PLEKHA7: variants seen among roughly 807,000 people sequenced by gnomAD.
PLEKHA7 encodes pleckstrin homology domain-containing family A member 7.
PLEKHA7 carries 104 observed loss-of-function variants against 170.0 expected under a neutral mutation model. That is an observed-to-expected ratio of 0.61 (90% CI 0.52 to 0.72). The LOEUF (loss-of-function observed/expected upper bound fraction) is 0.72. PLEKHA7 is among the 30% of genes least tolerant of loss of function. The pLI, the probability that PLEKHA7 is intolerant of heterozygous loss-of-function variation, is 0.00. For synonymous variants in PLEKHA7, 648 were observed against 660.8 expected (o/e 0.98, Z 0.30); for missense variants, 1,615 against 1,671.7 (o/e 0.97, Z 0.59).
chr11:16,785,507 T>C (rs1047179954), intron 24 of PLEKHA7, among the ~76,000 whole-genome samples: 5 of 152,190 alleles, frequency 3.3e-5, no homozygotes, highest in Non-Finnish European at 1.5e-5. Context: ...CAAGCAGCCA[T>C]AGACGCTGCC....
intron 3 of PLEKHA7, among the ~76,000 whole-genome samples, chr11:16,908,501 C>CTT (rs4030729): frequency 0.11 from 15,850 of 145,112 alleles, 2,430 homozygotes; most frequent in African/African-American, 0.34. Context: ...ATTTTTTTTT[C>CTT]TTTTTTTTTT....
chr11:16,855,067 G>T (rs1484096706), intron 5 of PLEKHA7, 74 bp from the exon 6 acceptor site: 2 of 1,264,200 alleles, frequency 1.6e-6, no homozygotes, highest in Non-Finnish European at 2.3e-6. Context: ...ATGTTAGGAG[G>T]ACCGTCGGCT....
At chr11:16,848,118 A>G (rs1190501345) in intron 8 of PLEKHA7, among the ~76,000 whole-genome samples, 12 of 152,210 alleles carry the variant, frequency 7.9e-5, no homozygotes, top group African/African-American at 2.9e-4. Context: ...AGAGGAGGAG[A>G]TGAATTTGAT....
At chr11:16,977,799 G>T (rs1863163859) in intron 3 of PLEKHA7, among the ~76,000 whole-genome samples, 2 of 152,118 alleles carry the variant, frequency 1.3e-5, no homozygotes, top group Non-Finnish European at 2.9e-5. Flanking sequence ...TCCTCGCTTT[G>T]TCAGTTCCTA....
intron 3 of PLEKHA7, among the ~76,000 whole-genome samples, chr11:16,981,059 CA>C (rs1324745896): frequency 1.8e-4 from 27 of 152,172 alleles, no homozygotes; most frequent in Non-Finnish European, 3.1e-4. Context: ...AATGGGGACT[CA>C]CTGAGGCTGT....
chr11:16,810,343 G>A (rs1156317771), intron 13 of PLEKHA7, among the ~76,000 whole-genome samples: 1 of 152,208 alleles, frequency 6.6e-6, no homozygotes, highest in Admixed American at 6.5e-5. Context: ...GTCTGAGCAG[G>A]GCAGAGCAGG....
At chr11:16,901,053 G>A (rs1857300976) in intron 3 of PLEKHA7, among the ~76,000 whole-genome samples, 1 of 151,938 alleles carries the variant, frequency 6.6e-6, no homozygotes, top group Admixed American at 6.6e-5. Context: ...CCCCATGTTG[G>A]CCAGGCTGGT....
chr11:16,847,568 G>A (rs1362094041), intron 8 of PLEKHA7, among the ~76,000 whole-genome samples: 1 of 152,060 alleles, frequency 6.6e-6, no homozygotes, highest in Non-Finnish European at 1.5e-5. Context: ...AGAGGCTCAC[G>A]CCTATAATCT....
chr11:17,006,490 T>C (rs71484746), intron 3 of PLEKHA7, among the ~76,000 whole-genome samples: 48,194 of 151,186 alleles, frequency 0.32, 8,211 homozygotes, highest in Middle Eastern at 0.42. Flanking sequence ...TAGCCAGGCA[T>C]GGTGGCGCAT....
At chr11:16,852,551 G>C (rs997513357) in intron 6 of PLEKHA7, among the ~76,000 whole-genome samples, 196 bp from the exon 7 acceptor site, 6 of 152,142 alleles carry the variant, frequency 3.9e-5, no homozygotes, top group African/African-American at 1.4e-4. Context: ...TCCTAAGAAA[G>C]CAGGGTTTTT....
chr11:16,892,406 T>TTGTGTGTGTGTGTGTGTG (rs58762762), intron 3 of PLEKHA7, among the ~76,000 whole-genome samples: 2 of 136,810 alleles, frequency 1.5e-5, no homozygotes, highest in Non-Finnish European at 3.2e-5. Context: ...TTGTTTTATT[T>TTGTGTGTGTGTGTGTGTG]TGTGTGTGTG....
chr11:16,813,191 AAC>A (rs764498250), intron 12 of PLEKHA7, 25 bp from the exon 13 acceptor site: 160 of 1,606,616 alleles, frequency 1.0e-4, no homozygotes, highest in Non-Finnish European at 1.4e-4. Flanking sequence ...GAGAGGAAAA[AAC>A]ACAGTTATGA....
Position 16,791,213 on chromosome 11 carries a change from G to A in PLEKHA7, c.2746-14C>T, listed in dbSNP as rs1847828797. 6.3e-7 allele frequency: 1 copy of A among 1,575,296 alleles called. No homozygotes were observed. The highest frequency in any genetic ancestry group is 8.6e-7 in the Non-Finnish European group (1 of 1,160,122). The stretch of plus-strand genomic sequence containing the variant: ...TGCTTCATCTTCCTGCTGAGAAAGA[G>A]AACCAGACCAGTGGTCAGCGAGACG... On this transcript the variant is annotated splice_polypyrimidine_tract_variant and intron_variant, in intron 19 of 26. Transcript: ENST00000531066. The surrounding 1 kb of genome is among the most constrained non-coding windows in gnomAD (Gnocchi z 4.5).
chr11:16,993,200 TCA>T (rs1864149352), intron 3 of PLEKHA7, among the ~76,000 whole-genome samples: 2 of 152,138 alleles, frequency 1.3e-5, no homozygotes, highest in African/African-American at 4.8e-5. Flanking sequence ...TCCAAAGGCC[TCA>T]GAGAAATCAG....
intron 3 of PLEKHA7, among the ~76,000 whole-genome samples, chr11:16,942,980 T>C (rs1210480298): frequency 6.6e-6 from 1 of 152,246 alleles, no homozygotes; most frequent in Non-Finnish European, 1.5e-5. Flanking sequence ...TGATTCAGAA[T>C]AACTGTTCTA....
intron 21 of PLEKHA7, chr11:16,790,518 A>C (rs1847767625): frequency 2.7e-6 from 1 of 364,552 alleles, no homozygotes. Context: ...GATTGTTGTG[A>C]ATATCATGTC....
At chr11:16,866,039 G>A (rs1435580509) in intron 4 of PLEKHA7, among the ~76,000 whole-genome samples, 1 of 151,546 alleles carries the variant, frequency 6.6e-6, no homozygotes, top group Non-Finnish European at 1.5e-5. Flanking sequence ...GGGTTTCATT[G>A]TGTTAGGCAG....
chr11:17,002,736 C>T (rs1162703074), intron 3 of PLEKHA7, among the ~76,000 whole-genome samples: 1 of 152,102 alleles, frequency 6.6e-6, no homozygotes, highest in Non-Finnish European at 1.5e-5. Flanking sequence ...TGGTCAGAGC[C>T]GATAACCAGG....
chr11:17,005,971 T>C (rs1394276413), intron 3 of PLEKHA7, among the ~76,000 whole-genome samples: 2 of 152,236 alleles, frequency 1.3e-5, no homozygotes, highest in Admixed American at 6.5e-5. Flanking sequence ...TATTTTAGTA[T>C]ATATGTAAGC....
Sources: allele counts gnomAD v4.1 joint callset (sites outside exome capture counted in the v4.1 genomes callset), GRCh38; gene constraint gnomAD v4.1.1; non-coding constraint Gnocchi (gnomAD v3.1); transcripts MANE v1.5; gene names NCBI Gene and HGNC (gene_info 2026-07-23, HGNC 2026-07-21).